The following CTNNA3 variants were observed in gnomAD, a reference collection of about 807,000 sequenced individuals.
CTNNA3 encodes the protein catenin alpha-3.
Under a neutral mutation model 95.7 loss-of-function variants are expected in CTNNA3, and 76 were observed. That is an observed-to-expected ratio of 0.79 (90% CI 0.66 to 0.96). CTNNA3 has a LOEUF of 0.96. Ranked by LOEUF, CTNNA3 falls within the 40% of genes least tolerant of loss-of-function variation. The probability of loss-of-function intolerance (pLI) is 0.00; values close to 1 mark genes in which losing one functional copy is unlikely to be tolerated. For missense variants in CTNNA3, 1,191 were observed against 1,089.8 expected, an observed-to-expected ratio of 1.09 and a Z score of -1.31; for synonymous variants, 431 against 374.4, an observed-to-expected ratio of 1.15 and a Z score of -1.74.
At position 66,420,818 on chromosome 10, in the gene CTNNA3, TAAA is replaced by T; in HGVS notation, c.1532-41469_1532-41467del. On this transcript the variant is annotated intron_variant, in intron 11 of 17. Coordinates refer to ENST00000433211, the MANE Select transcript of CTNNA3 (RefSeq NM_013266.4). Reference sequence around the variant, plus strand: ...TGTCTCAAATAAATAAATAAATAAATAAATAAATAAATAAATAAATAAAAAACA... The same window carrying T: ...TGTCTCAAATAAATAAATAAATAAATTAAATAAATAAATAAATAAAAAACA... 3.7e-5 allele frequency among the ~76,000 whole-genome samples: 4 copies of T among 108,122 alleles called. No individual in the cohort carries two copies. In the Middle Eastern group the frequency reaches 0.013, roughly 356 times the overall value. 70.9% of individuals were successfully genotyped at this position (108,122 alleles called of 152,430 possible). A position where few individuals can be genotyped will look rare whatever the true frequency, so the allele number is the denominator to read the frequency against.
intron 7 of CTNNA3, among the ~76,000 whole-genome samples, chr10:67,095,014 C>T (rs1377864492): frequency 2.0e-5 from 3 of 150,312 alleles, no homozygotes; most frequent in Admixed American, 6.7e-5. Flanking sequence ...TAAGTTTATA[C>T]ATATATGTGT....
intron 11 of CTNNA3, among the ~76,000 whole-genome samples, chr10:66,418,416 T>A (rs1212961527): frequency 1.3e-5 from 2 of 151,190 alleles, no homozygotes; most frequent in Non-Finnish European, 2.9e-5. Flanking sequence ...CTGGACTGAT[T>A]TACTGCTGAC....
At chr10:67,435,894 C>A (rs1286676065) in intron 5 of CTNNA3, among the ~76,000 whole-genome samples, 2 of 152,132 alleles carry the variant, frequency 1.3e-5, no homozygotes, top group Non-Finnish European at 2.9e-5. Flanking sequence ...AATGACCATA[C>A]TGCCAAAGAC....
At chr10:66,391,122 G>T (rs1174322393) in intron 11 of CTNNA3, among the ~76,000 whole-genome samples, 2 of 151,944 alleles carry the variant, frequency 1.3e-5, no homozygotes, top group African/African-American at 4.8e-5. Context: ...AACAAAATTT[G>T]CCCAGTTTCT....
intron 3 of CTNNA3, among the ~76,000 whole-genome samples, chr10:67,549,014 C>A (rs1840931481): frequency 6.6e-6 from 1 of 152,018 alleles, no homozygotes; most frequent in African/African-American, 2.4e-5. Flanking sequence ...GACATTCTAT[C>A]ATAAATATAA....
intron 11 of CTNNA3, among the ~76,000 whole-genome samples, chr10:66,447,405 C>T (rs1309924784): frequency 1.6e-5 from 2 of 125,912 alleles, no homozygotes; most frequent in Admixed American, 7.9e-5. Flanking sequence ...GGAGGCATCA[C>T]ACTACCTGAC....
chr10:67,307,906 T>G (rs1363336112), intron 5 of CTNNA3, among the ~76,000 whole-genome samples: 1 of 152,124 alleles, frequency 6.6e-6, no homozygotes, highest in Non-Finnish European at 1.5e-5. Context: ...ACCAGTGGAA[T>G]TAGGAATTAA....
chr10:67,523,986 C>A lies in CTNNA3; in HGVS notation c.460-2025G>T, dbSNP rs561648167. 9.2e-5 allele frequency among the ~76,000 whole-genome samples: 14 copies of A among 152,146 alleles called. No individual in the cohort carries two copies. The South Asian group carries it at 2.9e-3, about 32-fold the overall frequency. ...ATTTAACTCTAAAGCATGTTTTAGCCCCTGCACTTTGTCTTCCCTAAGAAA... is the reference window on the plus strand; with the variant it reads ...ATTTAACTCTAAAGCATGTTTTAGCACCTGCACTTTGTCTTCCCTAAGAAA... On this transcript the variant is annotated intron_variant, in intron 4 of 17. Coordinates refer to ENST00000433211, the MANE Select transcript of CTNNA3 (RefSeq NM_013266.4).
chr10:66,075,536 A>G (rs978037166), intron 14 of CTNNA3, among the ~76,000 whole-genome samples: 3 of 151,866 alleles, frequency 2.0e-5, no homozygotes, highest in Non-Finnish European at 4.4e-5. Flanking sequence ...GGCCTCCAAG[A>G]CTTTCCACAA....
intron 7 of CTNNA3, among the ~76,000 whole-genome samples, chr10:67,047,286 A>G (rs894852023): frequency 1.3e-5 from 2 of 152,198 alleles, no homozygotes; most frequent in Admixed American, 1.3e-4. Flanking sequence ...GGTATTGACT[A>G]GTGAGATTAA....
At chr10:66,834,824 A>G (rs1020954463) in intron 7 of CTNNA3, among the ~76,000 whole-genome samples, 1 of 152,204 alleles carries the variant, frequency 6.6e-6, no homozygotes, top group African/African-American at 2.4e-5. Flanking sequence ...CTTTTCATGC[A>G]CTAGAAAGAG....
chr10:67,053,779 TG>T (rs1368091334), intron 7 of CTNNA3, among the ~76,000 whole-genome samples: 2 of 152,174 alleles, frequency 1.3e-5, no homozygotes, highest in African/African-American at 4.8e-5. Context: ...AATTGCAAGA[TG>T]GAATTGACTC....
intron 3 of CTNNA3, among the ~76,000 whole-genome samples, chr10:67,555,526 A>G (rs998270856): frequency 2.0e-5 from 3 of 152,052 alleles, no homozygotes; most frequent in Admixed American, 1.3e-4. Flanking sequence ...ATTGTGAATG[A>G]GAGTTCACTC....
intron 1 of CTNNA3, among the ~76,000 whole-genome samples, chr10:67,741,130 G>C (rs560499373): frequency 2.0e-5 from 3 of 150,646 alleles, no homozygotes; most frequent in African/African-American, 7.3e-5. Flanking sequence ...GGACACAGGA[G>C]GGGGAACATC....
chr10:66,969,607 A>G (rs1402463862), intron 7 of CTNNA3, among the ~76,000 whole-genome samples: 2 of 152,168 alleles, frequency 1.3e-5, no homozygotes, highest in Admixed American at 1.3e-4. Context: ...AATTTGTATT[A>G]TAACTGCTCC....
intron 5 of CTNNA3, among the ~76,000 whole-genome samples, chr10:67,363,934 C>T (rs1045597844): frequency 1.3e-5 from 2 of 152,066 alleles, no homozygotes; most frequent in Non-Finnish European, 2.9e-5. Context: ...AAACAATTTC[C>T]AACCAATAGA....
intron 5 of CTNNA3, among the ~76,000 whole-genome samples, chr10:67,476,388 C>G (rs1328727160): frequency 6.6e-6 from 1 of 151,958 alleles, no homozygotes; most frequent in Non-Finnish European, 1.5e-5. Context: ...CCAGAGACAC[C>G]CACTGTTCTT....
chr10:67,755,237 T>A (rs1349511862), intron 1 of CTNNA3, among the ~76,000 whole-genome samples: 1 of 149,876 alleles, frequency 6.7e-6, no homozygotes, highest in Non-Finnish European at 1.5e-5. Context: ...AATGGGTATA[T>A]GAAAAAATGC....
At chr10:66,820,310 T>C (rs2132289474) in intron 7 of CTNNA3, among the ~76,000 whole-genome samples, 1 of 152,066 alleles carries the variant, frequency 6.6e-6, no homozygotes, top group South Asian at 2.1e-4. Flanking sequence ...AGTGGATTAG[T>C]GGCTGCTGGG....
Sources: allele counts gnomAD v4.1 joint callset (sites outside exome capture counted in the v4.1 genomes callset), GRCh38; gene constraint gnomAD v4.1.1; transcripts MANE v1.5; gene names NCBI Gene and HGNC (gene_info 2026-07-23, HGNC 2026-07-21).